The following SV2C variants were observed in gnomAD, a reference collection of about 807,000 sequenced individuals.
SV2C encodes the protein solute carrier family 22 member B3.
In SV2C, 49 loss-of-function variants were observed where a neutral mutation model predicts 79.7. The ratio of observed to expected loss-of-function variants is 0.61; its 90% CI spans 0.49 to 0.78. The LOEUF is 0.78. Ranked by LOEUF, SV2C falls within the 30% of genes least tolerant of loss-of-function variation. The probability of loss-of-function intolerance (pLI) is 0.00; values close to 1 mark genes in which losing one functional copy is unlikely to be tolerated. For synonymous variants in SV2C, 334 were observed against 333.2 expected, an observed-to-expected ratio of 1.00 and a Z score of -0.03; for missense variants, 833 against 912.9, an observed-to-expected ratio of 0.91 and a Z score of 1.13.
the SV2C span, among the ~76,000 whole-genome samples, chr5:75,949,931 T>G: frequency 6.6e-6 from 1 of 152,022 alleles, no homozygotes; most frequent in African/African-American, 2.4e-5. Context: ...GATTGGATAT[T>G]GTTGTAAGAA....
chr5:76,014,244 GAA>G, the SV2C span, among the ~76,000 whole-genome samples: 1 of 145,394 alleles, frequency 6.9e-6, no homozygotes, highest in Non-Finnish European at 1.5e-5. Flanking sequence ...GGAAGAAAGA[GAA>G]AGAAGAAAGG....
At chr5:75,864,330 A>G in the SV2C span, among the ~76,000 whole-genome samples, 2 of 151,830 alleles carry the variant, frequency 1.3e-5, no homozygotes, top group East Asian at 1.9e-4. Context: ...CCATCCATCC[A>G]TCCATCCATC....
the SV2C span, among the ~76,000 whole-genome samples, chr5:75,867,115 G>A: frequency 6.6e-6 from 1 of 152,158 alleles, no homozygotes; most frequent in Non-Finnish European, 1.5e-5. Context: ...CACACCCCCA[G>A]GCTTCTGTGC....
the SV2C span, among the ~76,000 whole-genome samples, chr5:75,994,031 G>C: frequency 3.9e-5 from 6 of 152,054 alleles, no homozygotes; most frequent in Admixed American, 1.3e-4. Flanking sequence ...AAATCCCAAT[G>C]ATAGTCTACA....
the SV2C span, among the ~76,000 whole-genome samples, chr5:75,933,619 G>A: frequency 9.2e-5 from 14 of 152,304 alleles, no homozygotes; most frequent in African/African-American, 3.4e-4. Flanking sequence ...CAGTAGCACC[G>A]TAGCCAGTTG....
At chr5:76,198,058 G>T (rs987799443) in intron 3 of SV2C, among the ~76,000 whole-genome samples, 1 of 152,240 alleles carries the variant, frequency 6.6e-6, no homozygotes, top group South Asian at 2.1e-4. Flanking sequence ...GTTCTCTCCA[G>T]GTTCACAACC....
At chr5:76,240,744 A>G (rs1745758933) in intron 4 of SV2C, among the ~76,000 whole-genome samples, 1 of 152,178 alleles carries the variant, frequency 6.6e-6, no homozygotes, top group African/African-American at 2.4e-5. Flanking sequence ...TCCCTGTCTC[A>G]GGCTCCATTT....
chr5:76,050,382 T>G, the SV2C span, among the ~76,000 whole-genome samples: 2 of 152,138 alleles, frequency 1.3e-5, no homozygotes, highest in South Asian at 4.1e-4. Flanking sequence ...AAAGAGAATG[T>G]GCAGGAAAAT....
the SV2C span, among the ~76,000 whole-genome samples, chr5:75,991,308 T>C: frequency 6.6e-6 from 1 of 151,734 alleles, no homozygotes; most frequent in African/African-American, 2.4e-5. Context: ...TGAGTTATTA[T>C]CCCTTTTTAT....
At chr5:76,171,626 C>G (rs1250047268) in intron 2 of SV2C, among the ~76,000 whole-genome samples, 1 of 145,128 alleles carries the variant, frequency 6.9e-6, no homozygotes, top group Non-Finnish European at 1.6e-5. Context: ...GGGTCAGCCC[C>G]CCGCCCGGCC....
At chr5:76,047,284 T>C in the SV2C span, among the ~76,000 whole-genome samples, 1 of 152,202 alleles carries the variant, frequency 6.6e-6, no homozygotes, top group Non-Finnish European at 1.5e-5. Flanking sequence ...GAGTAACCCA[T>C]GATTCGACTT....
At chr5:76,257,540 T>A (rs1311144529) in intron 4 of SV2C, among the ~76,000 whole-genome samples, 5 of 150,344 alleles carry the variant, frequency 3.3e-5, no homozygotes, top group African/African-American at 1.2e-4. Flanking sequence ...GCGTGTGGTG[T>A]ATGAGTCTGT....
intron 1 of SV2C, among the ~76,000 whole-genome samples, chr5:76,127,480 C>G (rs1748746177): frequency 6.6e-6 from 1 of 152,232 alleles, no homozygotes; most frequent in Non-Finnish European, 1.5e-5. Context: ...TTTGGTTTAA[C>G]AGCCGCTTCT....
At chr5:76,154,769 T>C (rs947458441) in intron 2 of SV2C, among the ~76,000 whole-genome samples, 9 of 152,204 alleles carry the variant, frequency 5.9e-5, no homozygotes, top group African/African-American at 2.2e-4. Context: ...AGACAGGTCT[T>C]AATCAATTTT....
At chr5:75,942,202 C>T in the SV2C span, among the ~76,000 whole-genome samples, 3 of 152,196 alleles carry the variant, frequency 2.0e-5, no homozygotes, top group South Asian at 4.1e-4. Flanking sequence ...TTCTAGATCT[C>T]GCCCTATGTA....
the SV2C span, among the ~76,000 whole-genome samples, chr5:75,899,336 C>T: frequency 6.6e-6 from 1 of 152,168 alleles, no homozygotes; most frequent in East Asian, 1.9e-4. Flanking sequence ...ACCCAGTAGT[C>T]ATTCAGGAGC....
upstream of SV2C, chr5:76,082,362 C>T (rs1013966611): frequency 4.6e-5 from 7 of 152,262 alleles, no homozygotes; most frequent in Non-Finnish European, 1.0e-4. Flanking sequence ...GCCTGGCCCA[C>T]CGCTTTGGAA....
intron 4 of SV2C, among the ~76,000 whole-genome samples, chr5:76,276,974 G>A (rs377681329): frequency 2.0e-5 from 3 of 152,144 alleles, no homozygotes; most frequent in East Asian, 1.9e-4. Flanking sequence ...AGGCACTAAA[G>A]TAGGAATGAA....
chr5:76,242,895 T>G (rs1369558970), intron 4 of SV2C, among the ~76,000 whole-genome samples: 1 of 150,330 alleles, frequency 6.7e-6, no homozygotes, highest in Non-Finnish European at 1.5e-5. Context: ...TTAGTAGTAG[T>G]CCCAGCTACT....
Sources: allele counts gnomAD v4.1 joint callset (sites outside exome capture counted in the v4.1 genomes callset), GRCh38; gene constraint gnomAD v4.1.1; transcripts MANE v1.5; gene names NCBI Gene and HGNC (gene_info 2026-07-23, HGNC 2026-07-21).